THSD7B: variants seen among roughly 807,000 people sequenced by gnomAD.
THSD7B encodes thrombospondin type 1 domain containing 7B.
In THSD7B, 138 loss-of-function variants were observed where a neutral mutation model predicts 213.6. The observed-to-expected ratio is 0.65, with a 90% CI of 0.56 to 0.74. The LOEUF is 0.74. THSD7B is among the 30% of genes least tolerant of loss of function. THSD7B has a pLI of 0.00. For synonymous variants in THSD7B, 742 were observed against 687.0 expected (o/e 1.08, Z -1.25); for missense variants, 1,931 against 1,991.5 (o/e 0.97, Z 0.58).
chr2:137,656,081 G>C (rs145831125), intron 22 of THSD7B, among the ~76,000 whole-genome samples: 1 of 152,270 alleles, frequency 6.6e-6, no homozygotes, highest in African/African-American at 2.4e-5. Flanking sequence ...ATGAGTTCAT[G>C]AAAGCACTCT....
chr2:137,165,577 A>G (rs1680111130), intron 6 of THSD7B, among the ~76,000 whole-genome samples: 1 of 152,110 alleles, frequency 6.6e-6, no homozygotes, highest in Non-Finnish European at 1.5e-5. Flanking sequence ...GTACAAACTA[A>G]AGATACTTCA....
At chr2:137,603,392 A>G (rs934941622) in intron 17 of THSD7B, among the ~76,000 whole-genome samples, 1 of 152,182 alleles carries the variant, frequency 6.6e-6, no homozygotes, top group Admixed American at 6.5e-5. Context: ...TGTAATTAAA[A>G]TGTGCTAAAA....
chr2:137,617,053 A>G (rs1682401290), intron 18 of THSD7B, among the ~76,000 whole-genome samples: 2 of 152,262 alleles, frequency 1.3e-5, no homozygotes, highest in South Asian at 2.1e-4. Flanking sequence ...TCCTCACCAC[A>G]GCCATGTTGG....
intron 12 of THSD7B, among the ~76,000 whole-genome samples, chr2:137,385,167 C>A (rs1052199546): frequency 1.3e-5 from 2 of 152,170 alleles, no homozygotes; most frequent in African/African-American, 4.8e-5. Context: ...AGAGACCGCA[C>A]CTTTACCTGA....
At chr2:137,266,179 C>T (rs76092249) in intron 10 of THSD7B, among the ~76,000 whole-genome samples, 2,722 of 152,272 alleles carry the variant, frequency 0.018, 37 homozygotes, top group Non-Finnish European at 0.024. Context: ...AAATTCCTTG[C>T]ATCTGGCAAT....
chr2:137,521,369 G>T (rs1331982967), intron 15 of THSD7B, among the ~76,000 whole-genome samples: 1 of 152,084 alleles, frequency 6.6e-6, no homozygotes, highest in Admixed American at 6.5e-5. Context: ...GACCATCACT[G>T]TCATTAAATG....
chr2:136,820,330 G>C (rs1682546355), intron 1 of THSD7B, among the ~76,000 whole-genome samples: 1 of 152,148 alleles, frequency 6.6e-6, no homozygotes, highest in African/African-American at 2.4e-5. Flanking sequence ...GAATAACCTG[G>C]AGGATACCCT....
intron 5 of THSD7B, among the ~76,000 whole-genome samples, chr2:137,141,980 A>G (rs1679597340): frequency 6.6e-6 from 1 of 152,172 alleles, no homozygotes; most frequent in Non-Finnish European, 1.5e-5. Flanking sequence ...CTTCCCACAT[A>G]TAGTTGTTTT....
At chr2:137,333,245 T>C (rs948978785) in intron 12 of THSD7B, among the ~76,000 whole-genome samples, 1 of 151,734 alleles carries the variant, frequency 6.6e-6, no homozygotes, top group African/African-American at 2.4e-5. Flanking sequence ...AGGACGCAAA[T>C]TGTCTTCATC....
At chr2:137,180,279 A>G (rs1177452875) in intron 7 of THSD7B, among the ~76,000 whole-genome samples, 1 of 152,204 alleles carries the variant, frequency 6.6e-6, no homozygotes, top group Non-Finnish European at 1.5e-5. Flanking sequence ...TATGTGAGAC[A>G]ATATATTTCC....
intron 12 of THSD7B, among the ~76,000 whole-genome samples, chr2:137,356,959 CACACACAG>C (rs772637552): frequency 0.038 from 3,623 of 95,646 alleles, 60 homozygotes; most frequent in South Asian, 0.089. Context: ...CACACACACA[CACACACAG>C]ACACACACAC....
intron 2 of THSD7B, among the ~76,000 whole-genome samples, chr2:136,969,973 G>A (rs1685378649): frequency 6.6e-6 from 1 of 152,172 alleles, no homozygotes; most frequent in African/African-American, 2.4e-5. Flanking sequence ...AAAGGAATCT[G>A]AAGGAAGCGC....
At chr2:137,397,316 C>A (rs1047050616) in intron 12 of THSD7B, among the ~76,000 whole-genome samples, 53 of 152,208 alleles carry the variant, frequency 3.5e-4, no homozygotes, top group African/African-American at 1.3e-3. Context: ...TTGTTCCTTT[C>A]CATGTTTAGC....
rs778818497 is a variant in THSD7B, at chr2:136,890,541, C to CT, written c.139+8240dup. On this transcript the variant is annotated intron_variant, in intron 2 of 27. Coordinates refer to ENST00000409968, the MANE Select transcript of THSD7B (RefSeq NM_001316349.2). ...CTTTCTTCTTCTTCTTCTTCTTCTT[C>CT]TTTTTTTTTTTTTTTTAAGACGGAG... Among the ~76,000 whole-genome samples the CT allele has an allele frequency of 9.4e-4, 47 of 49,848 alleles. 12 individuals carry two copies. The highest frequency in any genetic ancestry group is 3.3e-3 in the African/African-American group (40 of 12,144). The allele number at this position is 49,848 out of a possible 152,430, so 32.7% of individuals were successfully genotyped here. A position where few individuals can be genotyped will look rare whatever the true frequency, so the allele number is the denominator to read the frequency against.
intron 2 of THSD7B, among the ~76,000 whole-genome samples, chr2:136,919,757 C>G (rs376949164): frequency 2.6e-5 from 4 of 152,286 alleles, no homozygotes; most frequent in Non-Finnish European, 5.9e-5. Flanking sequence ...CCACACCTAC[C>G]AAGGGTGAGC....
Position 137,513,543 on chromosome 2 carries a change from G to T in THSD7B, c.3139-49678G>T, listed in dbSNP as rs868262510. On this transcript the variant is annotated intron_variant, in intron 15 of 27. Coordinates refer to ENST00000409968, the MANE Select transcript of THSD7B (RefSeq NM_001316349.2). ...TATTATATGCATTTTATAATTTGAA[G>T]TTTTTGATGATATACAGACACATAA... is the stretch of plus-strand genomic sequence containing the variant. Among the ~76,000 whole-genome samples, 467 of 152,228 alleles carry T rather than the reference G, an allele frequency of 3.1e-3. 1 individual carries two copies. The highest frequency in any genetic ancestry group is 0.01 in the African/African-American group (435 of 41,536).
intron 7 of THSD7B, among the ~76,000 whole-genome samples, chr2:137,186,402 A>G (rs926301681): frequency 3.3e-5 from 5 of 152,066 alleles, no homozygotes; most frequent in African/African-American, 1.2e-4. Flanking sequence ...TAATTTCTGT[A>G]TATGGTGAAA....
chr2:136,872,390 T>TGG (rs201478828), intron 1 of THSD7B, among the ~76,000 whole-genome samples: 4 of 38,672 alleles, frequency 1.0e-4, no homozygotes, highest in African/African-American at 2.5e-4. Flanking sequence ...TTCGGGGGGG[T>TGG]GGGGGGGACT....
chr2:137,020,640 A>G (rs1686425812), intron 2 of THSD7B, among the ~76,000 whole-genome samples: 1 of 152,090 alleles, frequency 6.6e-6, no homozygotes, highest in African/African-American at 2.4e-5. Context: ...CTCCACTGAC[A>G]GAAAGCATCC....
Sources: allele counts gnomAD v4.1 joint callset (sites outside exome capture counted in the v4.1 genomes callset), GRCh38; gene constraint gnomAD v4.1.1; transcripts MANE v1.5; gene names NCBI Gene and HGNC (gene_info 2026-07-23, HGNC 2026-07-21).